DLGAP2: variants seen among roughly 807,000 people sequenced by gnomAD.
DLGAP2 encodes disks large-associated protein 2.
A neutral mutation model predicts 100.3 loss-of-function variants in DLGAP2; 26 were observed. That is an observed-to-expected ratio of 0.26 (90% CI 0.19 to 0.36). DLGAP2 has a LOEUF of 0.36. Ranked by LOEUF, DLGAP2 falls within the 10% of genes least tolerant of loss-of-function variation. The probability of loss-of-function intolerance (pLI) is 1.00; values close to 1 mark genes in which losing one functional copy is unlikely to be tolerated. For missense variants in DLGAP2, 1,858 were observed against 1,453.2 expected, an observed-to-expected ratio of 1.28 and a Z score of -4.53; for synonymous variants, 886 against 630.1, an observed-to-expected ratio of 1.41 and a Z score of -6.08.
intron 3 of DLGAP2, among the ~76,000 whole-genome samples, chr8:1,447,443 A>G (rs957806593): frequency 6.6e-6 from 1 of 152,192 alleles, no homozygotes; most frequent in East Asian, 1.9e-4. Context: ...AGCCCACTTG[A>G]TCATGGTGGA....
intron 3 of DLGAP2, among the ~76,000 whole-genome samples, chr8:1,373,305 C>T (rs1338988225): frequency 6.6e-5 from 10 of 151,966 alleles, no homozygotes; most frequent in Middle Eastern, 3.4e-3. Flanking sequence ...GCAGGGGCCG[C>T]GGGCGGCAGC....
At chr8:1,067,500 G>A (rs1047274552) in intron 2 of DLGAP2, among the ~76,000 whole-genome samples, 5 of 152,104 alleles carry the variant, frequency 3.3e-5, no homozygotes, top group Non-Finnish European at 5.9e-5. Flanking sequence ...TGTCTCAGCC[G>A]TGCCGTCCTC....
chr8:1,584,439 T>C (rs567850494), intron 6 of DLGAP2, among the ~76,000 whole-genome samples: 1 of 152,316 alleles, frequency 6.6e-6, no homozygotes, highest in African/African-American at 2.4e-5. Flanking sequence ...GGAAGCCATA[T>C]GCTCCTGGGG....
At chr8:1,029,917 T>C (rs907076992) in intron 2 of DLGAP2, among the ~76,000 whole-genome samples, 3 of 151,922 alleles carry the variant, frequency 2.0e-5, no homozygotes, top group African/African-American at 7.3e-5. Flanking sequence ...ATGTGGGCAA[T>C]GTGGAAAAGG....
At chr8:951,804 T>G (rs1799486686) in intron 2 of DLGAP2, among the ~76,000 whole-genome samples, 1 of 152,216 alleles carries the variant, frequency 6.6e-6, no homozygotes, top group African/African-American at 2.4e-5. Context: ...ACTAATGACC[T>G]TAGTGGCTAA....
intron 2 of DLGAP2, among the ~76,000 whole-genome samples, chr8:988,487 A>C (rs1800551503): frequency 6.6e-6 from 1 of 152,086 alleles, no homozygotes; most frequent in Admixed American, 6.5e-5. Context: ...TCTTCTTTTT[A>C]ATTTGCAGTT....
At chr8:1,139,933 A>G (rs1563212653) in intron 2 of DLGAP2, among the ~76,000 whole-genome samples, 1 of 152,132 alleles carries the variant, frequency 6.6e-6, no homozygotes, top group Non-Finnish European at 1.5e-5. Flanking sequence ...CACGGCTGGT[A>G]TTTGGCAGAG....
At chr8:1,635,877 G>C (rs990596866) in intron 8 of DLGAP2, among the ~76,000 whole-genome samples, 1 of 152,218 alleles carries the variant, frequency 6.6e-6, no homozygotes, top group Non-Finnish European at 1.5e-5. Flanking sequence ...GGACACCCCA[G>C]TTCACCTGCT....
chr8:1,266,823 C>G (rs1241742130), intron 3 of DLGAP2, among the ~76,000 whole-genome samples: 2 of 152,062 alleles, frequency 1.3e-5, no homozygotes, highest in Non-Finnish European at 2.9e-5. Flanking sequence ...AATACATGCC[C>G]TCTCCCCATT....
At chr8:1,276,564 T>C (rs959065489) in intron 3 of DLGAP2, among the ~76,000 whole-genome samples, 2 of 152,160 alleles carry the variant, frequency 1.3e-5, no homozygotes, top group African/African-American at 2.4e-5. Flanking sequence ...TGCTATAGTT[T>C]TCACATTAAG....
chr8:924,041 A>AT (rs1382926494), intron 2 of DLGAP2, among the ~76,000 whole-genome samples: 2 of 152,252 alleles, frequency 1.3e-5, no homozygotes, highest in Non-Finnish European at 2.9e-5. Flanking sequence ...GTCACATGAC[A>AT]GCATCCATTG....
At chr8:1,674,327 G>C (rs1798759964) in intron 10 of DLGAP2, among the ~76,000 whole-genome samples, 1 of 152,226 alleles carries the variant, frequency 6.6e-6, no homozygotes. Flanking sequence ...TTACAGGCAT[G>C]AGCCACCATG....
intron 2 of DLGAP2, among the ~76,000 whole-genome samples, chr8:912,680 C>G (rs1019613723): frequency 2.7e-5 from 4 of 150,244 alleles, no homozygotes; most frequent in African/African-American, 7.4e-5. Context: ...ATCTGTGGAG[C>G]TGACCCCCGC....
At chr8:1,316,152 A>C (rs71516173) in intron 3 of DLGAP2, among the ~76,000 whole-genome samples, 87 of 116,598 alleles carry the variant, frequency 7.5e-4, no homozygotes, top group Middle Eastern at 5.7e-3. Context: ...GCGTCTCCCC[A>C]ACAGTGGTCT....
chr8:1,045,078 C>T (rs1802479763), intron 2 of DLGAP2, among the ~76,000 whole-genome samples: 1 of 152,214 alleles, frequency 6.6e-6, no homozygotes, highest in Non-Finnish European at 1.5e-5. Context: ...TTTCCGGAGA[C>T]AGCTCAGCTG....
chr8:1,251,255 T>C (rs760892780), intron 2 of DLGAP2, among the ~76,000 whole-genome samples: 3 of 152,190 alleles, frequency 2.0e-5, no homozygotes, highest in African/African-American at 4.8e-5. Flanking sequence ...TAGAATATTA[T>C]CAATGACTAT....
In DLGAP2 at chr8:827,928, G is replaced by A. The variant is rs56775317; in HGVS notation, c.19-79984G>A. 3.4e-3 allele frequency among the ~76,000 whole-genome samples: 518 copies of A among 152,222 alleles called. 4 individuals carry two copies. The highest frequency in any genetic ancestry group is 0.011 in the African/African-American group (474 of 41,512). On this transcript the variant is annotated intron_variant, in intron 1 of 14. Coordinates refer to ENST00000637795, the MANE Select transcript of DLGAP2 (RefSeq NM_001346810.2). ...AGAGAAATTTTAAAGCTGGGTGTCC[G>A]GGGGAGACATCACACATTGGTAGGA...
chr8:1,011,303 C>T (rs935290692), intron 2 of DLGAP2, among the ~76,000 whole-genome samples: 22 of 148,592 alleles, frequency 1.5e-4, no homozygotes, highest in Non-Finnish European at 3.0e-4. Flanking sequence ...TGGGGGGTCT[C>T]AGTCTGCACA....
chr8:937,628 G>A (rs946878280), intron 2 of DLGAP2, among the ~76,000 whole-genome samples: 2 of 152,146 alleles, frequency 1.3e-5, no homozygotes, highest in Non-Finnish European at 2.9e-5. Flanking sequence ...GGAAATGCTG[G>A]AGAGAATACC....
Sources: gnomAD v4.1 joint callset for allele counts (sites outside exome capture counted in the v4.1 genomes callset) on GRCh38, gnomAD v4.1.1 for gene constraint, MANE v1.5 for transcripts, NCBI Gene and HGNC (gene_info 2026-07-23, HGNC 2026-07-21) for gene names.